The following ZBTB8OS variants were observed in gnomAD, a reference collection of about 807,000 sequenced individuals.
ZBTB8OS encodes tRNA splicing ligase complex subunit 1, also known as tRNA-splicing ligase-activating factor archease.
Under a neutral mutation model 29.3 loss-of-function variants are expected in ZBTB8OS, and 16 were observed. The ratio of observed to expected loss-of-function variants is 0.55; its 90% CI spans 0.37 to 0.83. ZBTB8OS has a LOEUF of 0.83. Among genes scored for constraint, ZBTB8OS ranks in the 40% least tolerant of loss-of-function variants. The pLI, the probability that ZBTB8OS is intolerant of heterozygous loss-of-function variation, is 0.00. For missense variants in ZBTB8OS, 160 were observed against 196.9 expected (o/e 0.81, Z 1.12); for synonymous variants, 70 against 64.6 (o/e 1.08, Z -0.40).
intron 1 of ZBTB8OS, among the ~76,000 whole-genome samples, chr1:32,646,256 T>C (rs538622534): frequency 4.0e-5 from 6 of 151,548 alleles, no homozygotes; most frequent in Admixed American, 1.3e-4. Context: ...GAGGCAGAGG[T>C]TGTAGTGAGT....
At chr1:32,645,998 CTTCTAT>C (rs1205032487) in intron 1 of ZBTB8OS, among the ~76,000 whole-genome samples, 1 of 152,144 alleles carries the variant, frequency 6.6e-6, no homozygotes, top group African/African-American at 2.4e-5. Context: ...CACGGGCACT[CTTCTAT>C]AAGTACATCA....
At chr1:32,650,589 A>T (rs367883262), upstream of ZBTB8OS, 2 of 1,613,356 alleles carry the variant, frequency 1.2e-6, no homozygotes, top group East Asian at 4.5e-5. Flanking sequence ...GCCCGGAGTT[A>T]CTACTTCCGC....
chr1:32,625,968 G>C (rs1019205337), intron 6 of ZBTB8OS, among the ~76,000 whole-genome samples: 5 of 151,766 alleles, frequency 3.3e-5, no homozygotes, highest in African/African-American at 1.2e-4. Context: ...TGCCTCCCAG[G>C]TTCAAGCGAT....
intron 1 of ZBTB8OS, among the ~76,000 whole-genome samples, chr1:32,650,112 T>C (rs1364455082): frequency 6.6e-6 from 1 of 152,176 alleles, no homozygotes; most frequent in Non-Finnish European, 1.5e-5. Flanking sequence ...CGTTGGGAAA[T>C]ACATGGGGGT....
chr1:32,634,641 C>T (rs185010447), intron 2 of ZBTB8OS, 127 bp downstream of exon 2: 4 of 1,270,382 alleles, frequency 3.1e-6, no homozygotes, highest in African/African-American at 1.5e-5. Flanking sequence ...TGCTTTCAAA[C>T]CATCATTTTC....
At chr1:32,640,676 T>C (rs1033458935) in intron 1 of ZBTB8OS, among the ~76,000 whole-genome samples, 3 of 151,860 alleles carry the variant, frequency 2.0e-5, no homozygotes, top group Non-Finnish European at 4.4e-5. Flanking sequence ...CCACCACACC[T>C]AGTTAATGTT....
chr1:32,629,479 A>G (rs1645371539), intron 5 of ZBTB8OS, among the ~76,000 whole-genome samples: 1 of 152,140 alleles, frequency 6.6e-6, no homozygotes, highest in Non-Finnish European at 1.5e-5. Flanking sequence ...AATACCTCCC[A>G]CTGGAGAAAG....
chr1:32,641,474 T>C (rs190530993), intron 1 of ZBTB8OS, among the ~76,000 whole-genome samples: 365 of 150,024 alleles, frequency 2.4e-3, no homozygotes, highest in African/African-American at 8.3e-3. Flanking sequence ...GGTTTCTCCA[T>C]GTTGGTCAGG....
chr1:32,638,092 T>C (rs1570627347), intron 1 of ZBTB8OS, among the ~76,000 whole-genome samples: 1 of 152,096 alleles, frequency 6.6e-6, no homozygotes, highest in South Asian at 2.1e-4. Flanking sequence ...CTACACTGGC[T>C]TCCCAAAGTG....
At chr1:32,643,638 G>A (rs1485601471) in intron 1 of ZBTB8OS, among the ~76,000 whole-genome samples, 1 of 151,862 alleles carries the variant, frequency 6.6e-6, no homozygotes, top group Non-Finnish European at 1.5e-5. Context: ...TACGACTACA[G>A]GCGTGCACCA....
intron 1 of ZBTB8OS, among the ~76,000 whole-genome samples, chr1:32,644,534 C>CTTT (rs57960226): frequency 0.061 from 7,778 of 126,940 alleles, 960 homozygotes; most frequent in African/African-American, 0.22. Context: ...TTTCTTTTTC[C>CTTT]TTTTTTTTTT....
chr1:32,647,514 C>G (rs1236484358), intron 1 of ZBTB8OS, among the ~76,000 whole-genome samples: 1 of 152,046 alleles, frequency 6.6e-6, no homozygotes, highest in Non-Finnish European at 1.5e-5. Flanking sequence ...CAGTTGGTGG[C>G]CTGTTAGGAA....
intron 1 of ZBTB8OS, among the ~76,000 whole-genome samples, chr1:32,648,744 C>T (rs947603535): frequency 5.3e-5 from 8 of 151,868 alleles, no homozygotes; most frequent in Non-Finnish European, 7.4e-5. Context: ...CTGCAACCTC[C>T]GCCTCCCAGG....
intron 1 of ZBTB8OS, among the ~76,000 whole-genome samples, chr1:32,641,869 C>A (rs893440016): frequency 1.3e-5 from 2 of 151,998 alleles, no homozygotes; most frequent in Non-Finnish European, 2.9e-5. Flanking sequence ...TGCAGTGAGC[C>A]GAGATTGTGC....
At chr1:32,631,744 A>G (rs1645572705) in intron 5 of ZBTB8OS, 83 bp downstream of exon 5, 2 of 1,086,384 alleles carry the variant, frequency 1.8e-6, no homozygotes, top group South Asian at 1.4e-5. Flanking sequence ...CCTCTGATTT[A>G]TGTTTCCATC....
intron 1 of ZBTB8OS, among the ~76,000 whole-genome samples, chr1:32,643,684 A>AG (rs35276225): frequency 3.3e-5 from 5 of 151,566 alleles, no homozygotes; most frequent in East Asian, 2.0e-4. Flanking sequence ...TTTAGTAGAG[A>AG]GGGGGTTTCA....
At chr1:32,627,865 T>C in intron 5 of ZBTB8OS, 1 of 270,584 alleles carries the variant, frequency 3.7e-6, no homozygotes, top group Non-Finnish European at 6.9e-6. Context: ...GGAGACCTCA[T>C]CTGTACACAA....
At chr1:32,647,496 G>A (rs888894810) in intron 1 of ZBTB8OS, among the ~76,000 whole-genome samples, 2 of 151,626 alleles carry the variant, frequency 1.3e-5, no homozygotes, top group Non-Finnish European at 2.9e-5. Context: ...CAACCCCCTG[G>A]CCAGTACCAG....
Position 32,627,555 on chromosome 1 carries a change from C to CAAATTA in ZBTB8OS, c.381-17_381-12dup. 1 of 1,611,414 alleles carries CAAATTA rather than the reference C, an allele frequency of 6.2e-7. No homozygotes were observed. Among genetic ancestry groups the CAAATTA allele is most frequent in the Non-Finnish European group, 8.5e-7 (1 of 1,177,764 alleles). ...AATTCTTCTCCCCACCTTGAGAATA[C>CAAATTA]AAATTAAAACATGATTAAGATTTGT... On this transcript the variant is annotated splice_polypyrimidine_tract_variant and intron_variant, in intron 5 of 6. Transcript: ENST00000468695.
Sources: allele counts gnomAD v4.1 joint callset (sites outside exome capture counted in the v4.1 genomes callset), GRCh38; gene constraint gnomAD v4.1.1; transcripts MANE v1.5; gene names NCBI Gene and HGNC (gene_info 2026-07-23, HGNC 2026-07-21).